The following ZNF407 variants were observed in gnomAD, a reference collection of about 807,000 sequenced individuals.
The protein encoded by ZNF407 is zinc finger protein 407.
Under a neutral mutation model 131.2 loss-of-function variants are expected in ZNF407, and 17 were observed. The observed-to-expected ratio is 0.13, with a 90% CI of 0.09 to 0.19. ZNF407 has a LOEUF of 0.19. ZNF407 is among the 10% of genes least tolerant of loss of function. ZNF407 has a pLI of 1.00. For missense variants in ZNF407, 2,681 were observed against 2,830.6 expected, an observed-to-expected ratio of 0.95 and a Z score of 1.20; for synonymous variants, 1,156 against 1,062.0, an observed-to-expected ratio of 1.09 and a Z score of -1.72.
intron 4 of ZNF407, among the ~76,000 whole-genome samples, chr18:74,835,028 T>C (rs1009439411): frequency 2.0e-5 from 3 of 152,134 alleles, no homozygotes; most frequent in African/African-American, 4.8e-5. Context: ...AGGAGGCAAA[T>C]TCCCCCTTCT....
intron 3 of ZNF407, among the ~76,000 whole-genome samples, chr18:74,744,578 G>T (rs1213080879): frequency 6.6e-6 from 1 of 151,978 alleles, no homozygotes; most frequent in African/African-American, 2.4e-5. Flanking sequence ...ATTTTAGTAG[G>T]GGAGAAAACA....
intron 8 of ZNF407, among the ~76,000 whole-genome samples, chr18:74,960,327 G>T (rs957002183): frequency 1.4e-5 from 2 of 143,674 alleles, no homozygotes; most frequent in Non-Finnish European, 3.1e-5. Context: ...AAGGTCCTGA[G>T]TGAGTGCTTG....
At position 74,634,980 on chromosome 18, in the gene ZNF407, G is replaced by C; in HGVS notation, c.3961G>C (p.Glu1321Gln). 2.5e-6 allele frequency: 4 copies of C among 1,614,014 alleles called. No individual in the cohort carries two copies. The highest frequency in any genetic ancestry group is 3.4e-6 in the Non-Finnish European group (4 of 1,179,900). The change falls in exon 2 of 9, where the codon GAG becomes CAG. Residue 1321 changes from glutamate to glutamine, a missense_variant. By Grantham distance (29) the Glu-to-Gln change is conservative. Around this residue, in one of 6 missense-constraint regions of ZNF407, gnomAD observed 1,789 missense variants for 1,748.7 expected, o/e 1.02. Transcript: ENST00000299687. Reference sequence around the variant, plus strand: ...ACAACATGAAACAGAATTTATTTTGGAGGAGGATGGCCCAGCTTCTGATAG... The same window carrying C: ...ACAACATGAAACAGAATTTATTTTGCAGGAGGATGGCCCAGCTTCTGATAG... Reference protein sequence around the residue: ...NSQHETEFILEEDGPASDSTV... With the variant: ...NSQHETEFILQEDGPASDSTV...
At chr18:74,695,480 G>T (rs1599076119) in intron 3 of ZNF407, among the ~76,000 whole-genome samples, 1 of 147,402 alleles carries the variant, frequency 6.8e-6, no homozygotes, top group Non-Finnish European at 1.5e-5. Context: ...AAGCTGTTTT[G>T]TTCTAGCATT....
chr18:74,663,417 G>A (rs1170782828), intron 3 of ZNF407, among the ~76,000 whole-genome samples: 1 of 152,144 alleles, frequency 6.6e-6, no homozygotes, highest in African/African-American at 2.4e-5. Flanking sequence ...ATATCATAGA[G>A]TAGATGACCA....
At chr18:74,942,655 T>C (rs558529784) in intron 8 of ZNF407, among the ~76,000 whole-genome samples, 1 of 152,322 alleles carries the variant, frequency 6.6e-6, no homozygotes, top group African/African-American at 2.4e-5. Flanking sequence ...GACCTGCTGG[T>C]CCACGGGGCG....
At chr18:74,757,342 G>T (rs1053513367) in intron 3 of ZNF407, among the ~76,000 whole-genome samples, 15 of 151,688 alleles carry the variant, frequency 9.9e-5, no homozygotes, top group Admixed American at 7.9e-4. Context: ...GTTTTTATAT[G>T]TTCCATATTT....
intron 3 of ZNF407, among the ~76,000 whole-genome samples, chr18:74,706,169 C>T (rs568359677): frequency 2.1e-4 from 32 of 152,214 alleles, no homozygotes; most frequent in Middle Eastern, 3.4e-3. Context: ...AGAATTCTAC[C>T]GCAAAAATTC....
intron 3 of ZNF407, among the ~76,000 whole-genome samples, chr18:74,733,046 A>T (rs1007468655): frequency 2.0e-5 from 3 of 152,128 alleles, no homozygotes; most frequent in South Asian, 4.1e-4. Context: ...TTTATTCAAC[A>T]CATTTCTCAG....
chr18:74,843,500 G>T (rs1970662020), intron 4 of ZNF407, among the ~76,000 whole-genome samples: 1 of 152,108 alleles, frequency 6.6e-6, no homozygotes, highest in African/African-American at 2.4e-5. Flanking sequence ...GTTTAAAAAT[G>T]ATGATTAAAA....
At chr18:74,951,926 A>G (rs529846365) in intron 8 of ZNF407, among the ~76,000 whole-genome samples, 6 of 152,084 alleles carry the variant, frequency 3.9e-5, no homozygotes, top group Non-Finnish European at 8.8e-5. Context: ...GAAACTTCTG[A>G]TCGTACTTCA....
intron 4 of ZNF407, among the ~76,000 whole-genome samples, chr18:74,849,412 T>C (rs1174235390): frequency 1.3e-5 from 2 of 152,108 alleles, no homozygotes; most frequent in Non-Finnish European, 2.9e-5. Flanking sequence ...CTTTTTCATC[T>C]CTTAAAAGGT....
intron 4 of ZNF407, among the ~76,000 whole-genome samples, chr18:74,856,943 A>T (rs1384957911): frequency 6.6e-6 from 1 of 152,232 alleles, no homozygotes; most frequent in Non-Finnish European, 1.5e-5. Context: ...CTTACATGCC[A>T]CCAAGCCAAT....
intron 7 of ZNF407, among the ~76,000 whole-genome samples, chr18:74,901,675 A>T (rs1971526574): frequency 1.2e-4 from 1 of 8,082 alleles, no homozygotes; most frequent in Non-Finnish European, 1.3e-3. Flanking sequence ...GCATATATAT[A>T]TTTTTAATTG....
intron 3 of ZNF407, among the ~76,000 whole-genome samples, chr18:74,690,997 G>C (rs982075436): frequency 1.3e-5 from 2 of 152,208 alleles, no homozygotes; most frequent in African/African-American, 4.8e-5. Flanking sequence ...AATTAGGAAA[G>C]GCCGAGCGCA....
At chr18:74,974,581 GC>G (rs1232992718) in intron 8 of ZNF407, among the ~76,000 whole-genome samples, 5 of 152,128 alleles carry the variant, frequency 3.3e-5, no homozygotes, top group Non-Finnish European at 1.5e-5. Flanking sequence ...CTATATTTAT[GC>G]CTTTCAGTAG....
chr18:74,631,403 A>G lies in ZNF407; in HGVS notation c.384A>G (p.Pro128=), dbSNP rs1483256550. Residue 128 remains proline, a synonymous_variant, in exon 2 of 9, where the codon CCA becomes CCG. Transcript: ENST00000299687. Reference sequence around the variant, plus strand: ...GCACAGTTGGAGGCACATGTCTCCCAAATGCCCTCTCCCCTTCTTGCAATT... The same window carrying G: ...GCACAGTTGGAGGCACATGTCTCCCGAATGCCCTCTCCCCTTCTTGCAATT... The part of the protein sequence containing the change: ...SDCTVGGTCL[P]NALSPSCNFS... The G allele has an allele frequency of 2.5e-6, 4 of 1,613,884 alleles. No individual in the cohort carries two copies. In the Admixed American group the frequency reaches 6.7e-5, roughly 27 times the overall value.
At chr18:74,841,267 G>T (rs762115036) in intron 4 of ZNF407, among the ~76,000 whole-genome samples, 1 of 152,196 alleles carries the variant, frequency 6.6e-6, no homozygotes, top group Non-Finnish European at 1.5e-5. Flanking sequence ...CCACGGTGGA[G>T]GCTTTTCACC....
At chr18:74,702,773 A>G (rs1967530461) in intron 3 of ZNF407, among the ~76,000 whole-genome samples, 1 of 152,220 alleles carries the variant, frequency 6.6e-6, no homozygotes, top group African/African-American at 2.4e-5. Flanking sequence ...AGATACATGT[A>G]CATATACACT....
Sources: gnomAD v4.1 joint callset for allele counts (sites outside exome capture counted in the v4.1 genomes callset) on GRCh38, gnomAD v4.1.1 for gene constraint, gnomAD v4.1.1 regional missense constraint, MANE v1.5 for transcripts, NCBI Gene and HGNC (gene_info 2026-07-23, HGNC 2026-07-21) for gene names.